Variants in GRIP1 observed in about 807,000 individuals in gnomAD.
GRIP1 encodes glutamate receptor interacting protein 1.
GRIP1 carries 45 observed loss-of-function variants against 129.9 expected under a neutral mutation model. The ratio of observed to expected loss-of-function variants is 0.35; its 90% CI spans 0.27 to 0.44. The LOEUF (loss-of-function observed/expected upper bound fraction) is 0.44, where lower values mean the gene tolerates loss of function less well. GRIP1 is among the 20% of genes least tolerant of loss of function. The probability of loss-of-function intolerance (pLI) is 1.00; values close to 1 mark genes in which losing one functional copy is unlikely to be tolerated. For missense variants in GRIP1, 1,196 were observed against 1,396.8 expected, an observed-to-expected ratio of 0.86 and a Z score of 2.29; for synonymous variants, 530 against 520.8, an observed-to-expected ratio of 1.02 and a Z score of -0.24.
intron 2 of GRIP1, among the ~76,000 whole-genome samples, chr12:66,542,939 G>A (rs184462276): frequency 3.0e-4 from 46 of 151,948 alleles, no homozygotes; most frequent in African/African-American, 1.0e-3. Flanking sequence ...AAACAAACTC[G>A]CTCTTTCAAA....
intron 14 of GRIP1, among the ~76,000 whole-genome samples, chr12:66,424,179 T>C (rs1412125102): frequency 6.6e-6 from 1 of 152,224 alleles, no homozygotes; most frequent in Non-Finnish European, 1.5e-5. Flanking sequence ...GGCGATGTCA[T>C]TGGAAATTTT....
chr12:66,381,242 G>C (rs1368863473), intron 19 of GRIP1, among the ~76,000 whole-genome samples: 1 of 152,190 alleles, frequency 6.6e-6, no homozygotes, highest in Non-Finnish European at 1.5e-5. Flanking sequence ...ACAGTTCAAT[G>C]TCTCATTCTC....
At chr12:67,002,054 A>C (rs76820814) in intron 1 of GRIP1, among the ~76,000 whole-genome samples, 4,423 of 152,204 alleles carry the variant, frequency 0.029, 185 homozygotes, top group African/African-American at 0.091. Flanking sequence ...CAAAGAAAAT[A>C]TGCACCCAGT....
intron 15 of GRIP1, 90 bp from the exon 16 acceptor site, chr12:66,406,518 T>C (rs2057196579): frequency 8.0e-7 from 1 of 1,248,016 alleles, no homozygotes; most frequent in Non-Finnish European, 1.2e-6. Flanking sequence ...AGCATTATGG[T>C]AGTCTTTAGA....
At chr12:66,539,711 G>A (rs1292080889) in intron 3 of GRIP1, among the ~76,000 whole-genome samples, 1 of 151,974 alleles carries the variant, frequency 6.6e-6, no homozygotes, top group Non-Finnish European at 1.5e-5. Context: ...TTCACTGGGA[G>A]TTTGTCCAGG....
intron 1 of GRIP1, among the ~76,000 whole-genome samples, chr12:66,696,108 CA>C (rs1413274624): frequency 6.6e-6 from 1 of 151,854 alleles, no homozygotes; most frequent in Non-Finnish European, 1.5e-5. Flanking sequence ...TAATGATTAG[CA>C]AAATTACTAT....
intron 1 of GRIP1, among the ~76,000 whole-genome samples, chr12:67,048,748 T>C (rs2043294109): frequency 6.6e-6 from 1 of 152,196 alleles, no homozygotes; most frequent in Admixed American, 6.5e-5. Context: ...TGATAGTGAA[T>C]AAGTCTCACG....
chr12:66,769,276 C>G (rs1337774085), intron 1 of GRIP1, among the ~76,000 whole-genome samples: 1 of 150,678 alleles, frequency 6.6e-6, no homozygotes, highest in Admixed American at 6.6e-5. Flanking sequence ...TTTCTTGGAC[C>G]ACTGCCATCA....
At chr12:66,894,094 C>T (rs982155768) in intron 1 of GRIP1, among the ~76,000 whole-genome samples, 6 of 152,198 alleles carry the variant, frequency 3.9e-5, no homozygotes, top group Non-Finnish European at 7.3e-5. Context: ...AGTCCACATG[C>T]CTTGCTTCCT....
At chr12:66,627,736 G>T (rs1483560487) in intron 1 of GRIP1, among the ~76,000 whole-genome samples, 3 of 152,162 alleles carry the variant, frequency 2.0e-5, no homozygotes, top group Admixed American at 2.0e-4. Context: ...GACTGGTTCA[G>T]AGTCGGGGAG....
At chr12:66,619,107 C>A (rs545705661) in intron 1 of GRIP1, among the ~76,000 whole-genome samples, 1 of 151,868 alleles carries the variant, frequency 6.6e-6, no homozygotes, top group Admixed American at 6.6e-5. Flanking sequence ...AAAGAAAGAA[C>A]CCAAGGAATG....
intron 1 of GRIP1, among the ~76,000 whole-genome samples, chr12:66,693,445 G>T (rs957074158): frequency 6.6e-6 from 1 of 152,124 alleles, no homozygotes; most frequent in African/African-American, 2.4e-5. Context: ...ACATTCTCCA[G>T]GTCACCCCAG....
At chr12:66,867,432 T>C (rs1008937312) in intron 1 of GRIP1, among the ~76,000 whole-genome samples, 24 of 152,236 alleles carry the variant, frequency 1.6e-4, no homozygotes, top group African/African-American at 3.8e-4. Context: ...TAAAAATCTA[T>C]AATTTAAGCT....
At chr12:66,462,900 C>T in intron 9 of GRIP1, 24 bp downstream of exon 9, 2 of 1,598,130 alleles carry the variant, frequency 1.3e-6, no homozygotes, top group Non-Finnish European at 8.6e-7. Flanking sequence ...AGAGAAAGAG[C>T]TTGATCCAGG....
chr12:66,624,454 T>A (rs2065400671), intron 1 of GRIP1, among the ~76,000 whole-genome samples: 6 of 152,112 alleles, frequency 3.9e-5, no homozygotes, highest in Admixed American at 2.0e-4. Flanking sequence ...AATAGATACA[T>A]TAGAAATTCA....
At chr12:66,524,536 G>C (rs956197707) in intron 5 of GRIP1, among the ~76,000 whole-genome samples, 1 of 151,966 alleles carries the variant, frequency 6.6e-6, no homozygotes, top group Non-Finnish European at 1.5e-5. Context: ...GCAGTGTGTA[G>C]AGGGAAATTT....
At chr12:66,436,647 A>T (rs2058314036) in intron 13 of GRIP1, among the ~76,000 whole-genome samples, 1 of 152,232 alleles carries the variant, frequency 6.6e-6, no homozygotes, top group Non-Finnish European at 1.5e-5. Flanking sequence ...ATTTCATTAA[A>T]GTTACTATGC....
At chr12:67,050,540 A>C (rs182511370) in intron 1 of GRIP1, among the ~76,000 whole-genome samples, 4 of 152,360 alleles carry the variant, frequency 2.6e-5, no homozygotes, top group Admixed American at 6.5e-5. Context: ...TAGAGGAAAG[A>C]TTTTAATTAG....
intron 1 of GRIP1, among the ~76,000 whole-genome samples, chr12:66,685,336 G>C (rs2034742640): frequency 6.6e-6 from 1 of 151,684 alleles, no homozygotes; most frequent in African/African-American, 2.4e-5. Flanking sequence ...TTTTTTTTAA[G>C]GGCTAAATTA....
Sources: gnomAD v4.1 joint callset for allele counts (sites outside exome capture counted in the v4.1 genomes callset) on GRCh38, gnomAD v4.1.1 for gene constraint, MANE v1.5 for transcripts, NCBI Gene and HGNC (gene_info 2026-07-23, HGNC 2026-07-21) for gene names.